CYTH3: variants seen among roughly 807,000 people sequenced by gnomAD.
CYTH3 encodes the protein cytohesin-3.
Under a neutral mutation model 55.1 loss-of-function variants are expected in CYTH3, and 23 were observed. That is an observed-to-expected ratio of 0.42 (90% CI 0.30 to 0.59). The LOEUF is 0.59. Among genes scored for constraint, CYTH3 ranks in the 20% least tolerant of loss-of-function variants. The probability of loss-of-function intolerance (pLI) is 0.20; values close to 1 mark genes in which losing one functional copy is unlikely to be tolerated. For synonymous variants in CYTH3, 249 were observed against 194.9 expected (o/e 1.28, Z -2.31); for missense variants, 413 against 524.8 (o/e 0.79, Z 2.08).
chr7:6,190,894 C>A (rs769569135), intron 1 of CYTH3, among the ~76,000 whole-genome samples: 8 of 150,600 alleles, frequency 5.3e-5, no homozygotes, highest in African/African-American at 1.7e-4. Flanking sequence ...CTGGCCAACA[C>A]GGTGAAACCC....
rs764796160 is a variant in CYTH3, at chr7:6,177,805, C to G, written c.368+18G>C. ...CTGAGTGGCCCCAGGTAGGGCTTTG[C>G]ATCCTCCTCTAACTCACCTTTCACC... On this transcript the variant is annotated intron_variant, in intron 5 of 12. Transcript: ENST00000350796. The G allele has an allele frequency of 2.5e-6, 4 of 1,591,582 alleles. No individual in the cohort carries two copies. In the African/African-American group the frequency reaches 5.4e-5, roughly 21 times the overall value.
intron 1 of CYTH3, among the ~76,000 whole-genome samples, chr7:6,196,945 G>C (rs1032970853): frequency 6.6e-6 from 1 of 152,170 alleles, no homozygotes; most frequent in African/African-American, 2.4e-5. Context: ...TGCAAGGGGA[G>C]AGCTTTAATT....
At chr7:6,185,663 G>T (rs968274217) in intron 4 of CYTH3, among the ~76,000 whole-genome samples, 6 of 150,198 alleles carry the variant, frequency 4.0e-5, no homozygotes, top group African/African-American at 1.2e-4. Context: ...TCGCACCACT[G>T]CACTCCAGCC....
At chr7:6,271,241 C>T (rs1298094232) in intron 1 of CYTH3, among the ~76,000 whole-genome samples, 3 of 152,134 alleles carry the variant, frequency 2.0e-5, no homozygotes, top group Non-Finnish European at 4.4e-5. Context: ...TGACGGGTGC[C>T]AACTTCCCAC....
intron 9 of CYTH3, among the ~76,000 whole-genome samples, chr7:6,168,968 C>A (rs1016838225): frequency 6.6e-6 from 1 of 152,198 alleles, no homozygotes; most frequent in Non-Finnish European, 1.5e-5. Context: ...TACATTCCCC[C>A]CCACCGGCCC....
At chr7:6,217,800 C>A (rs1784460560) in intron 1 of CYTH3, among the ~76,000 whole-genome samples, 1 of 152,074 alleles carries the variant, frequency 6.6e-6, no homozygotes, top group Admixed American at 6.6e-5. Context: ...CCAAAGATAT[C>A]CAGGTCCTAA....
chr7:6,252,657 G>C (rs1238236225), intron 1 of CYTH3, among the ~76,000 whole-genome samples: 7 of 152,168 alleles, frequency 4.6e-5, no homozygotes, highest in Admixed American at 4.6e-4. Context: ...ATTAGTCTCA[G>C]CTGCAGTTAA....
intron 1 of CYTH3, among the ~76,000 whole-genome samples, chr7:6,228,270 T>C (rs1779301965): frequency 6.6e-6 from 1 of 152,226 alleles, no homozygotes; most frequent in African/African-American, 2.4e-5. Context: ...AAATCATGTG[T>C]CCCTGGCTTA....
chr7:6,214,163 C>T (rs555851900), intron 1 of CYTH3, among the ~76,000 whole-genome samples: 301 of 152,200 alleles, frequency 2.0e-3, no homozygotes, highest in African/African-American at 6.7e-3. Context: ...ATGGATGGAT[C>T]GATGAGAGAC....
chr7:6,170,673 T>C lies in CYTH3; in HGVS notation c.712-27A>G. 1 of 1,606,086 alleles carries C rather than the reference T, an allele frequency of 6.2e-7. No individual in the cohort carries two copies. Among genetic ancestry groups the C allele is most frequent in the Non-Finnish European group, 8.5e-7 (1 of 1,175,584 alleles). ...TGCAAGGAGGGAAAACAGCAGCCAGTTCAGAGACTCGGAGGAAAATGGCTG... is the reference window on the plus strand; with the variant it reads ...TGCAAGGAGGGAAAACAGCAGCCAGCTCAGAGACTCGGAGGAAAATGGCTG... On this transcript the variant is annotated intron_variant, in intron 8 of 12. Transcript: ENST00000350796. The surrounding 1 kb of genome is among the most constrained non-coding windows in gnomAD (Gnocchi z 7.8).
rs781312428 is a variant in CYTH3, at chr7:6,169,495, G to A, written c.823+1040C>T. Among the ~76,000 whole-genome samples, 6 of 152,092 alleles carry A rather than the reference G, an allele frequency of 3.9e-5. No individual in the cohort carries two copies. The highest frequency in any genetic ancestry group is 8.8e-5 in the Non-Finnish European group (6 of 68,036). ...CAAAGCACTAGGATTACACACATGA[G>A]CCACTGCACCCGGCTGATAAAATTT... is the stretch of plus-strand genomic sequence containing the variant. On this transcript the variant is annotated intron_variant, in intron 9 of 12. Transcript: ENST00000350796. The surrounding 1 kb of genome is among the most constrained non-coding windows in gnomAD (Gnocchi z 4.1).
chr7:6,206,035 A>G (rs1279732621), intron 1 of CYTH3, among the ~76,000 whole-genome samples: 2 of 152,178 alleles, frequency 1.3e-5, no homozygotes, highest in Non-Finnish European at 2.9e-5. Context: ...AAATCAAGTA[A>G]AGCCACTTAG....
At chr7:6,184,762 G>A (rs1014386150) in intron 4 of CYTH3, among the ~76,000 whole-genome samples, 1 of 152,084 alleles carries the variant, frequency 6.6e-6, no homozygotes, top group African/African-American at 2.4e-5. Flanking sequence ...ATTTTTAGTA[G>A]AGATGGAGTT....
chr7:6,171,589 C>T lies in CYTH3; in HGVS notation c.450-275G>A, dbSNP rs117902623. ...TGTCTCTGCCTAAAAAGTAAATATC[C>T]AGGATCCTGGCACTTCTCTGTCCCC... On this transcript the variant is annotated intron_variant, in intron 6 of 12. Transcript: ENST00000350796. The surrounding 1 kb of genome is among the most constrained non-coding windows in gnomAD (Gnocchi z 6.7). 7.5e-4 allele frequency among the ~76,000 whole-genome samples: 114 copies of T among 152,282 alleles called. 2 individuals are homozygous for T. In the East Asian group the frequency reaches 0.019, roughly 25 times the overall value.
intron 2 of CYTH3, chr7:6,188,665 C>A (rs943425967): frequency 6.6e-6 from 1 of 152,206 alleles, no homozygotes; most frequent in African/African-American, 2.4e-5. Flanking sequence ...AGGGGACAGA[C>A]CCCCTTTCCC....
chr7:6,202,701 C>T (rs377267011), intron 1 of CYTH3, among the ~76,000 whole-genome samples: 56 of 152,244 alleles, frequency 3.7e-4, no homozygotes, highest in African/African-American at 1.2e-3. Flanking sequence ...TGAGGTGATC[C>T]GCCCGCCTTG....
intron 1 of CYTH3, among the ~76,000 whole-genome samples, chr7:6,261,532 T>C (rs553100044): frequency 4.0e-5 from 6 of 151,826 alleles, no homozygotes; most frequent in South Asian, 2.1e-4. Flanking sequence ...CTGGGAAACA[T>C]AGTGGGACCC....
At chr7:6,227,358 A>AG (rs1779283168) in intron 1 of CYTH3, among the ~76,000 whole-genome samples, 1 of 152,188 alleles carries the variant, frequency 6.6e-6, no homozygotes, top group Non-Finnish European at 1.5e-5. Context: ...TTTAAAAAAA[A>AG]AAGTCAAATA....
intron 4 of CYTH3, among the ~76,000 whole-genome samples, chr7:6,181,187 G>A (rs1305944350): frequency 4.6e-5 from 7 of 151,578 alleles, no homozygotes; most frequent in African/African-American, 1.5e-4. Flanking sequence ...ACATAAATTT[G>A]GACTTAAAAA....
Sources: allele counts gnomAD v4.1 joint callset (sites outside exome capture counted in the v4.1 genomes callset), GRCh38; gene constraint gnomAD v4.1.1; non-coding constraint Gnocchi (gnomAD v3.1); transcripts MANE v1.5; gene names NCBI Gene and HGNC (gene_info 2026-07-23, HGNC 2026-07-21).